Variants in ZC3H7B observed in about 807,000 individuals in gnomAD.
The protein encoded by ZC3H7B is zinc finger CCCH-type containing 7B.
In ZC3H7B, 35 loss-of-function variants were observed where a neutral mutation model predicts 116.0. That is an observed-to-expected ratio of 0.30 (90% confidence interval 0.23 to 0.40). The LOEUF (loss-of-function observed/expected upper bound fraction) is 0.40, where lower values mean the gene tolerates loss of function less well. Ranked by LOEUF, ZC3H7B falls within the 10% of genes least tolerant of loss-of-function variation. The pLI is 1.00. For synonymous variants in ZC3H7B, 502 were observed against 545.6 expected, an observed-to-expected ratio of 0.92 and a Z score of 1.11; for missense variants, 1,011 against 1,321.5, an observed-to-expected ratio of 0.77 and a Z score of 3.64.
intron 1 of ZC3H7B, among the ~76,000 whole-genome samples, chr22:41,310,712 T>G (rs915987156): frequency 6.6e-6 from 1 of 152,196 alleles, no homozygotes; most frequent in African/African-American, 2.4e-5. Context: ...ATTTCCAAAT[T>G]TATAATTTCC....
In ZC3H7B at chr22:41,349,064, G is replaced by T; in HGVS notation, c.1767-56G>T. On this transcript the variant is annotated intron_variant, in intron 15 of 22. Transcript: ENST00000352645. This position sits in a 1 kb window ranked among gnomAD's most constrained non-coding sequence, Gnocchi z 4.9. ...CTGGGAAGGTGGCCCTACCAGGAGA[G>T]AAGGTCAGAGGGGCTGCGGACTGCA... The T allele has an allele frequency of 6.3e-7, 1 of 1,578,504 alleles. No homozygotes were observed. Among genetic ancestry groups the T allele is most frequent in the Non-Finnish European group, 8.6e-7 (1 of 1,159,046 alleles).
intron 17 of ZC3H7B, among the ~76,000 whole-genome samples, chr22:41,354,247 C>T (rs1265215749): frequency 6.6e-6 from 1 of 152,226 alleles, no homozygotes; most frequent in Non-Finnish European, 1.5e-5. Context: ...TCTCACGCTT[C>T]TTGTGAGAAT....
intron 1 of ZC3H7B, among the ~76,000 whole-genome samples, chr22:41,318,229 G>T (rs1569232169): frequency 6.6e-6 from 1 of 152,008 alleles, no homozygotes; most frequent in Non-Finnish European, 1.5e-5. Flanking sequence ...GAGACCAGGA[G>T]TTTAAGACCA....
At chr22:41,315,775 G>A (rs2036175034) in intron 1 of ZC3H7B, among the ~76,000 whole-genome samples, 1 of 152,070 alleles carries the variant, frequency 6.6e-6, no homozygotes, top group Admixed American at 6.6e-5. Context: ...CAGTAATCCT[G>A]TTGGATCAGG....
intron 10 of ZC3H7B, among the ~76,000 whole-genome samples, chr22:41,340,624 C>T (rs780129101): frequency 5.3e-5 from 8 of 152,086 alleles, no homozygotes; most frequent in Admixed American, 6.5e-5. Context: ...ACGGGACTGT[C>T]GGGGCACGGA....
chr22:41,311,068 CTTTT>C (rs747090159), intron 1 of ZC3H7B, among the ~76,000 whole-genome samples: 4 of 132,130 alleles, frequency 3.0e-5, no homozygotes, highest in African/African-American at 8.4e-5. Context: ...CCCAGCCTCA[CTTTT>C]TTTTTTTTTT....
Position 41,338,244 on chromosome 22 carries a change from G to A in ZC3H7B, c.583-69G>A. ...GGTCAACAGCATAGTCACGTGGGGA[G>A]GGGCTGGTGCTGGGTGCTGGGATCG... On this transcript the variant is annotated intron_variant, in intron 7 of 22. Transcript: ENST00000352645. This position sits in a 1 kb window ranked among gnomAD's most constrained non-coding sequence, Gnocchi z 4.5. The A allele has an allele frequency of 6.5e-7, 1 of 1,535,120 alleles. No individual in the cohort carries two copies. The highest frequency in any genetic ancestry group is 8.9e-7 in the Non-Finnish European group (1 of 1,121,896).
In ZC3H7B at chr22:41,349,133, A is replaced by G. The variant is rs1261197940; in HGVS notation, c.1780A>G (p.Ile594Val). 6.2e-7 allele frequency: 1 copy of G among 1,613,650 alleles called. No individual in the cohort carries two copies. The highest frequency in any genetic ancestry group is 8.5e-7 in the Non-Finnish European group (1 of 1,179,976). Reference protein sequence around the residue: ...SFYNNKCLVHIVRSTSLKYSK... With the variant: ...SFYNNKCLVHVVRSTSLKYSK... ...CCCGCCCGCCAGGTGCCTGGTGCAC[A>G]TCGTCCGCTCCACCTCCCTCAAGTA... is the stretch of plus-strand genomic sequence containing the variant. Residue 594 changes from isoleucine (I) to valine (V), a missense_variant, in exon 16 of 23, where the codon ATC becomes GTC. Ile to Val is a conservative substitution (Grantham distance 29). This residue lies in a region of ZC3H7B where 406 missense variants were observed against 590.2 expected (regional missense o/e 0.69). Coordinates refer to ENST00000352645, the MANE Select transcript of ZC3H7B (RefSeq NM_017590.6). The surrounding 1 kb of genome is among the most constrained non-coding windows in gnomAD (Gnocchi z 4.9).
At chr22:41,344,186 T>A (rs180923432) in intron 13 of ZC3H7B, among the ~76,000 whole-genome samples, 2 of 152,318 alleles carry the variant, frequency 1.3e-5, no homozygotes, top group East Asian at 3.9e-4. Context: ...TTCACCAGCA[T>A]GCAGCCTCAC....
At chr22:41,306,044 G>A (rs2036036730) in intron 1 of ZC3H7B, among the ~76,000 whole-genome samples, 1 of 152,178 alleles carries the variant, frequency 6.6e-6, no homozygotes, top group Non-Finnish European at 1.5e-5. Context: ...CTAAGCAGAG[G>A]CATTGAGATG....
rs771771160 is a variant in ZC3H7B at position 41,355,618 on chromosome 22, G to C, written c.2168+16G>C. On this transcript the variant is annotated intron_variant, in intron 18 of 22. Coordinates refer to ENST00000352645, the MANE Select transcript of ZC3H7B (RefSeq NM_017590.6). ...CCCGGCACTGGTGAGTGGGATGCCA[G>C]GTGGGGGCTCAGGTGGGATGGGGCC... 114 of 1,613,990 alleles carry C rather than the reference G, an allele frequency of 7.1e-5. No individual in the cohort carries two copies. The East Asian group carries it at 2.3e-3, about 33-fold the overall frequency.
intron 5 of ZC3H7B, among the ~76,000 whole-genome samples, chr22:41,328,625 G>T (rs529758460): frequency 6.6e-6 from 1 of 152,138 alleles, no homozygotes; most frequent in Non-Finnish European, 1.5e-5. Flanking sequence ...TGCCCTGTTC[G>T]CTGGGGTATC....
chr22:41,306,224 A>C (rs930224499), intron 1 of ZC3H7B, among the ~76,000 whole-genome samples: 2 of 152,184 alleles, frequency 1.3e-5, no homozygotes, highest in Non-Finnish European at 2.9e-5. Context: ...ATGATATTTA[A>C]TGATAACCCA....
chr22:41,343,436 C>T lies in ZC3H7B; in HGVS notation c.1319C>T (p.Thr440Ile), dbSNP rs1351839582. 8 of 1,613,140 alleles carry T rather than the reference C, an allele frequency of 5.0e-6. No individual in the cohort carries two copies. Among genetic ancestry groups the T allele is most frequent in the South Asian group, 3.3e-5 (3 of 91,012 alleles). ...PKTGPRAGDY[T>I]YREGLEHKCK... ...ATAGGCCCCCGGGCTGGCGACTACA[C>T]CTACCGTGAGGGCCTTGAGCACAAG... The change falls in exon 13 of 23, where the codon ACC becomes ATC. Residue 440 changes from threonine (T) to isoleucine (I), a missense_variant. Coordinates refer to ENST00000352645, the MANE Select transcript of ZC3H7B (RefSeq NM_017590.6).
intron 1 of ZC3H7B, among the ~76,000 whole-genome samples, chr22:41,311,943 C>G (rs1346032275): frequency 6.6e-6 from 1 of 152,084 alleles, no homozygotes; most frequent in Non-Finnish European, 1.5e-5. Context: ...ATTTAATTAA[C>G]TAATTTAATT....
In ZC3H7B at chr22:41,346,573, T is replaced by TG. The variant is rs1450575918; in HGVS notation, c.1665+368dup. ...GCTCACGCCTGTAATCCCAGCACTT[T>TG]GGGAGGCTGAGGCGGGCAAATCAAT... is the stretch of plus-strand genomic sequence containing the variant. On this transcript the variant is annotated intron_variant, in intron 14 of 22. Transcript: ENST00000352645. This position sits in a 1 kb window ranked among gnomAD's most constrained non-coding sequence, Gnocchi z 5.3. Among the ~76,000 whole-genome samples the TG allele has an allele frequency of 3.9e-5, 6 of 152,120 alleles. No homozygotes were observed. The highest frequency in any genetic ancestry group is 4.8e-5 in the African/African-American group (2 of 41,366).
Position 41,357,483 on chromosome 22 carries a change from A to G in ZC3H7B, c.*54A>G. 6 of 1,418,382 alleles carry G rather than the reference A, an allele frequency of 4.2e-6. No homozygotes were observed. The highest frequency in any genetic ancestry group is 5.8e-6 in the Non-Finnish European group (6 of 1,042,236). The allele number at this position is 1,418,382 out of a possible 1,614,324, so 87.9% of individuals were successfully genotyped here. A position where few individuals can be genotyped will look rare whatever the true frequency, so the allele number is the denominator to read the frequency against. On this transcript the variant is annotated 3_prime_UTR_variant, in exon 23 of 23. Transcript: ENST00000352645. The surrounding 1 kb of genome is among the most constrained non-coding windows in gnomAD (Gnocchi z 5.4). ...TGGGGTCAGGGGGTGGGGTGGGGCCAGAAGGCCTGATAGAAGGGTCAGGGC... is the reference window on the plus strand; with the variant it reads ...TGGGGTCAGGGGGTGGGGTGGGGCCGGAAGGCCTGATAGAAGGGTCAGGGC...
At position 41,355,527 on chromosome 22, in the gene ZC3H7B, G is replaced by T; in HGVS notation, c.2093G>T (p.Gly698Val). The T allele has an allele frequency of 6.2e-7, 1 of 1,614,146 alleles. No individual in the cohort carries two copies. The highest frequency in any genetic ancestry group is 8.5e-7 in the Non-Finnish European group (1 of 1,180,014). ...TFDLQMKFVCGQCWRNGQVVE... is the reference protein window; with the variant it reads ...TFDLQMKFVCVQCWRNGQVVE... ...GACCTGCAGATGAAGTTTGTATGTG[G>T]CCAGTGCTGGAGAAACGGGCAGGTG... is the stretch of plus-strand genomic sequence containing the variant. Residue 698 changes from glycine to valine, a missense_variant, in exon 18 of 23, where the codon GGC (glycine) becomes GTC (valine). Gly to Val is a moderately radical substitution (Grantham distance 109, BLOSUM62 -3). Transcript: ENST00000352645.
Position 41,342,639 on chromosome 22 carries a change from A to T in ZC3H7B, c.1297+11A>T. 1 of 1,607,172 alleles carries T rather than the reference A, an allele frequency of 6.2e-7. No individual in the cohort carries two copies. The stretch of plus-strand genomic sequence containing the variant: ...GCTACCCCAAGACAGGTAAACTTTC[A>T]CCTGTAGACTCCACCCCTCTGCCCA... On this transcript the variant is annotated intron_variant, in intron 12 of 22. Transcript: ENST00000352645.
Sources: gnomAD v4.1 joint callset for allele counts (sites outside exome capture counted in the v4.1 genomes callset) on GRCh38, gnomAD v4.1.1 for gene constraint, gnomAD v4.1.1 regional missense constraint, Gnocchi (gnomAD v3.1) non-coding constraint, MANE v1.5 for transcripts, NCBI Gene and HGNC (gene_info 2026-07-23, HGNC 2026-07-21) for gene names.